GRM3: variants seen among roughly 807,000 people sequenced by gnomAD.
GRM3 encodes glutamate metabotropic receptor 3, also known as metabotropic glutamate receptor 3.
A neutral mutation model predicts 70.5 loss-of-function variants in GRM3; 26 were observed. The observed-to-expected ratio is 0.37, with a 90% CI of 0.27 to 0.51. GRM3 has a LOEUF of 0.51. Ranked by LOEUF, GRM3 falls within the 20% of genes least tolerant of loss-of-function variation. The pLI, the probability that GRM3 is intolerant of heterozygous loss-of-function variation, is 0.93. For synonymous variants in GRM3, 443 were observed against 434.9 expected (o/e 1.02, Z -0.23); for missense variants, 859 against 1,123.8 (o/e 0.76, Z 3.37).
chr7:86,840,149 T>C (rs1473042132), intron 4 of GRM3, among the ~76,000 whole-genome samples: 2 of 152,232 alleles, frequency 1.3e-5, no homozygotes, highest in Non-Finnish European at 2.9e-5. Context: ...TACGGTCATT[T>C]ACCCAATTTA....
Position 86,786,553 on chromosome 7 carries a change from A to G in GRM3, c.761A>G (p.Lys254Arg). 6.2e-7 allele frequency: 1 copy of G among 1,614,058 alleles called. No individual in the cohort carries two copies. The stretch of plus-strand genomic sequence containing the variant: ...AAGGTGGGCCGCTCCAACATCCGCA[A>G]GTCCTACGACAGCGTGATCCGAGAA... ...AEKVGRSNIR[K>R]SYDSVIRELL... The change falls in exon 3 of 6, where the codon AAG (lysine) becomes AGG (arginine). Residue 254 changes from lysine (K) to arginine (R), a missense_variant. Transcript: ENST00000361669. This position sits in a 1 kb window ranked among gnomAD's most constrained non-coding sequence, Gnocchi z 6.0.
At chr7:86,795,034 A>T (rs761298459) in intron 3 of GRM3, among the ~76,000 whole-genome samples, 2 of 152,148 alleles carry the variant, frequency 1.3e-5, no homozygotes, top group African/African-American at 4.8e-5. Flanking sequence ...ATTAATATTA[A>T]CCTACTACTT....
chr7:86,659,370 C>A (rs1793834717), intron 1 of GRM3, among the ~76,000 whole-genome samples: 1 of 152,118 alleles, frequency 6.6e-6, no homozygotes, highest in Non-Finnish European at 1.5e-5. Flanking sequence ...CTCATTTAAT[C>A]TTCATGGTAG....
chr7:86,800,635 A>G (rs1364026933), intron 3 of GRM3, among the ~76,000 whole-genome samples: 1 of 152,248 alleles, frequency 6.6e-6, no homozygotes, highest in Non-Finnish European at 1.5e-5. Context: ...TCTAAAATTG[A>G]GGCAGTAATA....
chr7:86,758,406 G>T (rs1158372998), intron 1 of GRM3, among the ~76,000 whole-genome samples: 2 of 152,122 alleles, frequency 1.3e-5, no homozygotes, highest in Non-Finnish European at 2.9e-5. Context: ...GCTTGGAAGA[G>T]GTAAAGGACA....
At chr7:86,732,360 G>A (rs752749922) in intron 1 of GRM3, among the ~76,000 whole-genome samples, 1 of 152,160 alleles carries the variant, frequency 6.6e-6, no homozygotes, top group Non-Finnish European at 1.5e-5. Context: ...CAGATCCAAG[G>A]TAGGGCAGAG....
intron 1 of GRM3, among the ~76,000 whole-genome samples, chr7:86,726,587 TC>T (rs1562840169): frequency 6.6e-6 from 1 of 152,056 alleles, no homozygotes; most frequent in Non-Finnish European, 1.5e-5. Flanking sequence ...CCCCCATATT[TC>T]CCCCAGTTGG....
chr7:86,671,937 C>A (rs1035061269), intron 1 of GRM3, among the ~76,000 whole-genome samples: 2 of 152,146 alleles, frequency 1.3e-5, no homozygotes, highest in African/African-American at 4.8e-5. Context: ...AACCAACCAG[C>A]CATAAAAAAG....
chr7:86,839,121 C>G lies in GRM3; in HGVS notation c.1607C>G (p.Pro536Arg), dbSNP rs1200590377. Residue 536 changes from proline (P) to arginine (R), a missense_variant, in exon 4 of 6, where the codon CCC becomes CGC. Physicochemically the swap from Pro to Arg is moderately radical, Grantham distance 103 (BLOSUM62 -2). Transcript: ENST00000361669. The surrounding 1 kb of genome is among the most constrained non-coding windows in gnomAD (Gnocchi z 4.5). ...VCCWICIPCE[P>R]YEYLADEFTC... ...TGCTGGATTTGCATCCCCTGTGAACCCTACGAATACCTGGCTGATGAGTTT... is the reference window on the plus strand; with the variant it reads ...TGCTGGATTTGCATCCCCTGTGAACGCTACGAATACCTGGCTGATGAGTTT... The G allele has an allele frequency of 6.2e-7, 1 of 1,614,092 alleles. No homozygotes were observed. Among genetic ancestry groups the G allele is most frequent in the Non-Finnish European group, 8.5e-7 (1 of 1,179,982 alleles).
intron 4 of GRM3, among the ~76,000 whole-genome samples, chr7:86,848,530 G>A (rs1798699424): frequency 6.6e-6 from 1 of 152,018 alleles, no homozygotes; most frequent in Non-Finnish European, 1.5e-5. Flanking sequence ...TCCCCTGCAG[G>A]ACCTTGAGTG....
At chr7:86,716,769 A>T (rs930526644) in intron 1 of GRM3, among the ~76,000 whole-genome samples, 1 of 151,922 alleles carries the variant, frequency 6.6e-6, no homozygotes, top group African/African-American at 2.4e-5. Flanking sequence ...ACATAAGATT[A>T]TAAGAAAAAC....
chr7:86,789,940 A>T (rs576560298), intron 3 of GRM3, among the ~76,000 whole-genome samples: 32 of 152,192 alleles, frequency 2.1e-4, no homozygotes, highest in Non-Finnish European at 4.1e-4. Context: ...CTTGCTAAAG[A>T]TTCTTCCAAA....
intron 1 of GRM3, among the ~76,000 whole-genome samples, chr7:86,693,052 C>T (rs1214782427): frequency 6.6e-6 from 1 of 151,976 alleles, no homozygotes; most frequent in African/African-American, 2.4e-5. Flanking sequence ...TTTTTGTCAT[C>T]AAAAAGGATT....
At chr7:86,821,018 T>C (rs1387205554) in intron 3 of GRM3, among the ~76,000 whole-genome samples, 1 of 152,156 alleles carries the variant, frequency 6.6e-6, no homozygotes, top group East Asian at 1.9e-4. Context: ...GCTTTTTACT[T>C]GTGTGTATGT....
rs79997486 is a variant in GRM3 at position 86,818,504 on chromosome 7, T to C, written c.1325-20335T>C. On this transcript the variant is annotated intron_variant, in intron 3 of 5. Coordinates refer to ENST00000361669, the MANE Select transcript of GRM3 (RefSeq NM_000840.3). ...CTTTTCTATGCTCAGTTTTCCCATC[T>C]GTAAAATATCAGTAAGAACCCATTT... 2.4e-3 allele frequency among the ~76,000 whole-genome samples: 362 copies of C among 152,216 alleles called. 1 individual carries two copies. The highest frequency in any genetic ancestry group is 4.4e-3 in the Non-Finnish European group (298 of 67,978).
chr7:86,854,103 A>G (rs1798804236), intron 5 of GRM3, among the ~76,000 whole-genome samples: 1 of 152,210 alleles, frequency 6.6e-6, no homozygotes, highest in Non-Finnish European at 1.5e-5. Flanking sequence ...GTCTGTGATT[A>G]TTATAATTAT....
chr7:86,729,489 AAC>A (rs1405833366), intron 1 of GRM3, among the ~76,000 whole-genome samples: 2 of 152,344 alleles, frequency 1.3e-5, no homozygotes, highest in East Asian at 1.9e-4. Context: ...TCTAATTCCA[AAC>A]ACATTCTTTA....
chr7:86,685,972 A>G (rs1336509192), intron 1 of GRM3, among the ~76,000 whole-genome samples: 1 of 152,092 alleles, frequency 6.6e-6, no homozygotes, highest in Admixed American at 6.6e-5. Flanking sequence ...TAATGAGATA[A>G]TACAATTAAA....
At chr7:86,669,096 C>A (rs908405534) in intron 1 of GRM3, among the ~76,000 whole-genome samples, 3 of 152,090 alleles carry the variant, frequency 2.0e-5, no homozygotes, top group African/African-American at 7.2e-5. Context: ...CTCAAGCAAC[C>A]TACAGAAAAT....
Sources: gnomAD v4.1 joint callset for allele counts (sites outside exome capture counted in the v4.1 genomes callset) on GRCh38, gnomAD v4.1.1 for gene constraint, Gnocchi (gnomAD v3.1) non-coding constraint, MANE v1.5 for transcripts, NCBI Gene and HGNC (gene_info 2026-07-23, HGNC 2026-07-21) for gene names.